NYAP2: variants seen among roughly 807,000 people sequenced by gnomAD.
The protein encoded by NYAP2 is neuronal tyrosine-phosphorylated phosphoinositide-3-kinase adaptor 2.
Under a neutral mutation model 50.4 loss-of-function variants are expected in NYAP2, and 23 were observed. That is an observed-to-expected ratio of 0.46 (90% CI 0.33 to 0.65). NYAP2 has a LOEUF of 0.65. NYAP2 is among the 30% of genes least tolerant of loss of function. NYAP2 has a pLI of 0.02. For missense variants in NYAP2, 885 were observed against 861.0 expected (o/e 1.03, Z -0.35); for synonymous variants, 394 against 365.2 (o/e 1.08, Z -0.90).
intron 6 of NYAP2, among the ~76,000 whole-genome samples, chr2:225,638,117 C>T (rs1449120020): frequency 6.6e-6 from 1 of 150,428 alleles, no homozygotes; most frequent in African/African-American, 2.4e-5. Flanking sequence ...TTTAAATAGA[C>T]TCTAGATATT....
At chr2:225,430,661 TAATC>T (rs1305190675) in intron 3 of NYAP2, among the ~76,000 whole-genome samples, 1 of 152,200 alleles carries the variant, frequency 6.6e-6, no homozygotes, top group Non-Finnish European at 1.5e-5. Context: ...GCTCAGTTAT[TAATC>T]AATACATCAG....
chr2:225,473,143 G>GT (rs1559189263), intron 3 of NYAP2, among the ~76,000 whole-genome samples: 1 of 151,752 alleles, frequency 6.6e-6, no homozygotes, highest in Non-Finnish European at 1.5e-5. Context: ...TGAACTCATC[G>GT]TTTTTTATGG....
chr2:225,546,776 T>C (rs6715686), intron 4 of NYAP2, among the ~76,000 whole-genome samples: 45,043 of 151,912 alleles, frequency 0.3, 7,862 homozygotes, highest in African/African-American at 0.5. Context: ...CCTGTAGCCA[T>C]CACAGCTGTG....
intron 4 of NYAP2, among the ~76,000 whole-genome samples, chr2:225,536,055 A>G (rs1245721373): frequency 6.6e-6 from 1 of 152,210 alleles, no homozygotes; most frequent in Non-Finnish European, 1.5e-5. Flanking sequence ...AGATCTATAG[A>G]TGCTTAAATT....
At chr2:225,702,069 T>G in the NYAP2 span, 4 of 151,626 alleles carry the variant, frequency 2.6e-5, no homozygotes, top group Non-Finnish European at 5.9e-5. Flanking sequence ...ATAACTACAC[T>G]CACATGTGAA....
chr2:225,409,141 A>C (rs1272329856), intron 3 of NYAP2, 40 bp downstream of exon 3: 3 of 1,433,760 alleles, frequency 2.1e-6, no homozygotes, highest in Non-Finnish European at 2.9e-6. Flanking sequence ...TGTGCACATG[A>C]GAAAGTCCAT....
At chr2:225,458,266 C>T (rs544908204) in intron 3 of NYAP2, among the ~76,000 whole-genome samples, 7 of 152,144 alleles carry the variant, frequency 4.6e-5, no homozygotes, top group Admixed American at 1.3e-4. Flanking sequence ...GTGGGAGGAT[C>T]GCTTGAGTGG....
chr2:225,542,040 A>G (rs1691484430), intron 4 of NYAP2, among the ~76,000 whole-genome samples: 1 of 152,100 alleles, frequency 6.6e-6, no homozygotes, highest in Admixed American at 6.6e-5. Flanking sequence ...ATTTGTAGCT[A>G]TTATAAATAG....
At chr2:225,578,075 A>C (rs967045082) in intron 4 of NYAP2, among the ~76,000 whole-genome samples, 2 of 151,852 alleles carry the variant, frequency 1.3e-5, no homozygotes, top group Non-Finnish European at 2.9e-5. Flanking sequence ...AGGGATTATA[A>C]GTATGCATCA....
chr2:225,418,577 G>A (rs1559174666), intron 3 of NYAP2, among the ~76,000 whole-genome samples: 2 of 152,180 alleles, frequency 1.3e-5, no homozygotes, highest in Non-Finnish European at 2.9e-5. Context: ...AAGCAAAAAG[G>A]ATGGTGTTTC....
intron 2 of NYAP2, among the ~76,000 whole-genome samples, chr2:225,403,474 A>G (rs547859638): frequency 6.6e-6 from 1 of 152,066 alleles, no homozygotes; most frequent in Admixed American, 6.6e-5. Context: ...AAACTATCTT[A>G]TTATAGCTAT....
At chr2:225,629,422 G>A (rs1457922224) in intron 6 of NYAP2, among the ~76,000 whole-genome samples, 1 of 152,140 alleles carries the variant, frequency 6.6e-6, no homozygotes, top group Non-Finnish European at 1.5e-5. Flanking sequence ...TGTTTTACTA[G>A]CTATCTGGGC....
At chr2:225,555,434 C>G (rs1257131457) in intron 4 of NYAP2, among the ~76,000 whole-genome samples, 1 of 152,000 alleles carries the variant, frequency 6.6e-6, no homozygotes, top group East Asian at 1.9e-4. Context: ...ACCGAAGATT[C>G]TATGTTGTTA....
At chr2:225,628,920 C>T (rs1180588664) in intron 6 of NYAP2, among the ~76,000 whole-genome samples, 1 of 151,954 alleles carries the variant, frequency 6.6e-6, no homozygotes, top group East Asian at 1.9e-4. Flanking sequence ...AAGTCTAGAG[C>T]AAGACAGACA....
intron 4 of NYAP2, among the ~76,000 whole-genome samples, chr2:225,518,560 ATATATAT>A (rs1334482485): frequency 0.097 from 4,756 of 49,016 alleles, 1,081 homozygotes; most frequent in African/African-American, 0.2. Flanking sequence ...ATATATATAT[ATATATAT>A]ATTAGCGTGT....
intron 4 of NYAP2, among the ~76,000 whole-genome samples, chr2:225,579,009 C>T (rs1251410543): frequency 6.6e-6 from 1 of 152,058 alleles, no homozygotes; most frequent in Non-Finnish European, 1.5e-5. Context: ...TGCTTTCTCT[C>T]TGTTCTCATA....
At chr2:225,586,625 T>G (rs1308156980) in intron 5 of NYAP2, among the ~76,000 whole-genome samples, 1 of 152,168 alleles carries the variant, frequency 6.6e-6, no homozygotes, top group African/African-American at 2.4e-5. Flanking sequence ...ATGAAAATAA[T>G]TTACTACCTA....
At chr2:225,534,284 C>A (rs1212916551) in intron 4 of NYAP2, among the ~76,000 whole-genome samples, 1 of 152,164 alleles carries the variant, frequency 6.6e-6, no homozygotes, top group South Asian at 2.1e-4. Flanking sequence ...GAATACTAAC[C>A]GTAGCCATTG....
intron 3 of NYAP2, 88 bp downstream of exon 3, chr2:225,409,189 A>G (rs1574599430): frequency 1.0e-6 from 1 of 982,788 alleles, no homozygotes; most frequent in Non-Finnish European, 1.5e-6. Context: ...ACTTGGTCAG[A>G]AAAGGTCTTC....
Sources: allele counts gnomAD v4.1 joint callset (sites outside exome capture counted in the v4.1 genomes callset), GRCh38; gene constraint gnomAD v4.1.1; transcripts MANE v1.5; gene names NCBI Gene and HGNC (gene_info 2026-07-23, HGNC 2026-07-21).